EHBP1: variants seen among roughly 807,000 people sequenced by gnomAD.
The protein encoded by EHBP1 is EH domain-binding protein 1.
A neutral mutation model predicts 144.0 loss-of-function variants in EHBP1; 55 were observed. The ratio of observed to expected loss-of-function variants is 0.38; its 90% CI spans 0.31 to 0.48. The LOEUF is 0.48. Ranked by LOEUF, EHBP1 falls within the 20% of genes least tolerant of loss-of-function variation. The probability of loss-of-function intolerance (pLI) is 0.98; values close to 1 mark genes in which losing one functional copy is unlikely to be tolerated. For missense variants in EHBP1, 1,200 were observed against 1,364.2 expected (o/e 0.88, Z 1.90); for synonymous variants, 469 against 472.7 (o/e 0.99, Z 0.10).
intron 5 of EHBP1, among the ~76,000 whole-genome samples, chr2:62,786,742 T>G (rs1427723098): frequency 6.6e-6 from 1 of 152,188 alleles, no homozygotes; most frequent in African/African-American, 2.4e-5. Context: ...ATTAAGTATA[T>G]AGTTATGAAG....
intron 15 of EHBP1, among the ~76,000 whole-genome samples, chr2:62,989,009 C>T (rs2059308749): frequency 6.6e-6 from 1 of 152,040 alleles, no homozygotes; most frequent in Admixed American, 6.6e-5. Context: ...AACTCATGCC[C>T]TTTTGTCAGT....
chr2:62,883,607 T>A (rs1269800831), intron 10 of EHBP1, among the ~76,000 whole-genome samples: 1 of 152,140 alleles, frequency 6.6e-6, no homozygotes, highest in Non-Finnish European at 1.5e-5. Context: ...CAGCTACTCA[T>A]ATTGAGGCTG....
chr2:62,873,332 A>C (rs1015646833), intron 9 of EHBP1, among the ~76,000 whole-genome samples: 1 of 152,188 alleles, frequency 6.6e-6, no homozygotes, highest in African/African-American at 2.4e-5. Context: ...CAGATATATG[A>C]AGAAATGTAC....
At chr2:62,750,898 G>A (rs948658240) in intron 3 of EHBP1, among the ~76,000 whole-genome samples, 1 of 152,130 alleles carries the variant, frequency 6.6e-6, no homozygotes, top group Admixed American at 6.5e-5. Context: ...GACAAATGGG[G>A]TTTTCTAAAT....
intron 7 of EHBP1, among the ~76,000 whole-genome samples, chr2:62,844,766 C>T (rs2048174089): frequency 6.6e-6 from 1 of 152,140 alleles, no homozygotes; most frequent in Admixed American, 6.6e-5. Flanking sequence ...TTATGAGGCT[C>T]CTGAAAGACC....
At chr2:63,028,449 T>C (rs2061082067) in intron 19 of EHBP1, among the ~76,000 whole-genome samples, 1 of 152,080 alleles carries the variant, frequency 6.6e-6, no homozygotes, top group Admixed American at 6.5e-5. Context: ...ATTTTTTTTT[T>C]TTAAGAGTTT....
At chr2:62,895,264 C>G (rs2052805165) in intron 10 of EHBP1, among the ~76,000 whole-genome samples, 1 of 150,804 alleles carries the variant, frequency 6.6e-6, no homozygotes. Flanking sequence ...ATGCATTTTA[C>G]TGTATGTAAA....
chr2:62,820,218 A>G (rs548955753), intron 5 of EHBP1, among the ~76,000 whole-genome samples: 75 of 149,352 alleles, frequency 5.0e-4, no homozygotes, highest in African/African-American at 1.5e-3. Flanking sequence ...GTCTCAAAAA[A>G]AAAAAAGAAA....
At chr2:62,923,772 CT>C (rs1251382573) in intron 10 of EHBP1, among the ~76,000 whole-genome samples, 1 of 152,196 alleles carries the variant, frequency 6.6e-6, no homozygotes, top group Non-Finnish European at 1.5e-5. Flanking sequence ...CAGTTCACCC[CT>C]GGCAGGCATG....
intron 3 of EHBP1, among the ~76,000 whole-genome samples, chr2:62,750,164 G>A (rs1311604415): frequency 6.6e-6 from 1 of 152,102 alleles, no homozygotes; most frequent in Non-Finnish European, 1.5e-5. Context: ...TTTTATATAA[G>A]GTGTAAGGAA....
intron 1 of EHBP1, among the ~76,000 whole-genome samples, chr2:62,684,283 G>T (rs1161400896): frequency 2.0e-5 from 3 of 152,016 alleles, no homozygotes; most frequent in African/African-American, 7.3e-5. Context: ...GTATCAAAGA[G>T]AGGTAGACTC....
chr2:62,988,057 T>A (rs2059271371), intron 15 of EHBP1: 1 of 1,419,068 alleles, frequency 7.0e-7, no homozygotes, highest in Non-Finnish European at 9.9e-7. Context: ...AAATTATAAA[T>A]GTTTTGTGTC....
At chr2:62,867,018 T>A (rs895139101) in intron 9 of EHBP1, among the ~76,000 whole-genome samples, 2 of 152,046 alleles carry the variant, frequency 1.3e-5, no homozygotes, top group African/African-American at 4.8e-5. Flanking sequence ...CAACATAATT[T>A]TCTATTCCCA....
chr2:62,950,545 T>C (rs2057318571), intron 13 of EHBP1, among the ~76,000 whole-genome samples: 1 of 152,220 alleles, frequency 6.6e-6, no homozygotes, highest in Non-Finnish European at 1.5e-5. Context: ...AAAAATATTT[T>C]AAAAATATAT....
intron 7 of EHBP1, among the ~76,000 whole-genome samples, chr2:62,835,962 C>A (rs372168973): frequency 4.6e-5 from 7 of 151,074 alleles, no homozygotes; most frequent in African/African-American, 1.2e-4. Flanking sequence ...CAAAGCGGCC[C>A]GGAAGCTCGA....
intron 1 of EHBP1, among the ~76,000 whole-genome samples, chr2:62,686,748 T>C (rs2033731540): frequency 6.6e-6 from 1 of 152,256 alleles, no homozygotes. Context: ...ACACCATTTA[T>C]TTCATTTGGA....
chr2:62,694,220 C>T (rs1282031414), intron 1 of EHBP1, among the ~76,000 whole-genome samples: 3 of 152,118 alleles, frequency 2.0e-5, no homozygotes, highest in Non-Finnish European at 4.4e-5. Flanking sequence ...ACTCTTTGGG[C>T]TAGATTGCCA....
intron 10 of EHBP1, among the ~76,000 whole-genome samples, chr2:62,930,722 A>G (rs1245895139): frequency 1.3e-5 from 2 of 152,208 alleles, no homozygotes; most frequent in Non-Finnish European, 2.9e-5. Context: ...ACCTCTGCAT[A>G]TAATAAGGTC....
rs2151864631 is a variant in EHBP1, at chr2:62,714,023, A to G, written c.104+6728A>G. Among the ~76,000 whole-genome samples, 3 of 152,288 alleles carry G rather than the reference A, an allele frequency of 2.0e-5. 1 individual carries two copies. Among genetic ancestry groups the G allele is most frequent in the Admixed American group, 2.0e-4 (3 of 15,306 alleles). On this transcript the variant is annotated intron_variant, in intron 2 of 22. Transcript: ENST00000431489. The stretch of plus-strand genomic sequence containing the variant: ...TGATTATGTCTACACATGACTCAAA[A>G]TATGCCTCTAGATCAAGAGTTGGCA...
Sources: allele counts gnomAD v4.1 joint callset (sites outside exome capture counted in the v4.1 genomes callset), GRCh38; gene constraint gnomAD v4.1.1; transcripts MANE v1.5; gene names NCBI Gene and HGNC (gene_info 2026-07-23, HGNC 2026-07-21).